The following SI variants were observed in gnomAD, a reference collection of about 807,000 sequenced individuals.
SI encodes the protein sucrase-isomaltase.
SI carries 235 observed loss-of-function variants against 253.3 expected under a neutral mutation model. That is an observed-to-expected ratio of 0.93 (90% CI 0.83 to 1.03). The LOEUF (loss-of-function observed/expected upper bound fraction) is 1.03. Among genes scored for constraint, SI ranks in the 50% least tolerant of loss-of-function variants. The probability of loss-of-function intolerance (pLI) is 0.00; values close to 1 mark genes in which losing one functional copy is unlikely to be tolerated. For missense variants in SI, 2,442 were observed against 2,211.1 expected, an observed-to-expected ratio of 1.10 and a Z score of -2.09; for synonymous variants, 819 against 712.0, an observed-to-expected ratio of 1.15 and a Z score of -2.39.
intron 24 of SI, among the ~76,000 whole-genome samples, chr3:165,031,283 T>A (rs1345665011): frequency 1.3e-5 from 2 of 149,046 alleles, no homozygotes; most frequent in African/African-American, 4.9e-5. Context: ...GGAATGAAAA[T>A]TCATATAAAG....
At chr3:165,036,082 A>G (rs766500523) in intron 22 of SI, among the ~76,000 whole-genome samples, 23 of 151,898 alleles carry the variant, frequency 1.5e-4, no homozygotes, top group Non-Finnish European at 2.1e-4. Context: ...AGTTGAAAAT[A>G]TAATGCAATT....
intron 3 of SI, among the ~76,000 whole-genome samples, chr3:165,072,137 G>GA (rs1333707406): frequency 1.3e-5 from 2 of 151,922 alleles, no homozygotes; most frequent in Non-Finnish European, 2.9e-5. Flanking sequence ...TCATGTATAT[G>GA]AAAACCTAAG....
intron 3 of SI, among the ~76,000 whole-genome samples, chr3:165,071,428 G>T (rs1714567624): frequency 6.6e-6 from 1 of 150,940 alleles, no homozygotes; most frequent in Non-Finnish European, 1.5e-5. Flanking sequence ...GCAAATAAAG[G>T]TATAATAAAT....
At chr3:165,089,847 G>A in the SI span, among the ~76,000 whole-genome samples, 1 of 151,924 alleles carries the variant, frequency 6.6e-6, no homozygotes, top group African/African-American at 2.4e-5. Context: ...TCTACACAGG[G>A]CACCTTATAA....
chr3:165,050,652 GCAA>G (rs1713380190), intron 13 of SI, among the ~76,000 whole-genome samples: 1 of 151,950 alleles, frequency 6.6e-6, no homozygotes, highest in African/African-American at 2.4e-5. Context: ...TTTCTTCTCT[GCAA>G]ACTGTGTTGA....
Position 165,040,244 on chromosome 3 carries a change from A to C in SI, c.2160-273T>G, listed in dbSNP as rs965799711. Among the ~76,000 whole-genome samples the C allele has an allele frequency of 6.0e-5, 9 of 150,946 alleles. No individual in the cohort carries two copies. The East Asian group carries it at 1.8e-3, about 30-fold the overall frequency. ...GAAGGAAAGAAGGAGGGGAGGGAGG[A>C]TAGGAGGAAGGGATGGGAACAGAGG... On this transcript the variant is annotated intron_variant, in intron 18 of 47. Coordinates refer to ENST00000264382, the MANE Select transcript of SI (RefSeq NM_001041.4).
chr3:165,052,399 A>G (rs1433636949), intron 13 of SI, among the ~76,000 whole-genome samples: 2 of 152,118 alleles, frequency 1.3e-5, no homozygotes, highest in African/African-American at 4.8e-5. Flanking sequence ...TCTTAAGTCT[A>G]TTAAAAACTA....
At chr3:165,033,798 C>T (rs917747910) in intron 22 of SI, among the ~76,000 whole-genome samples, 8 of 151,402 alleles carry the variant, frequency 5.3e-5, no homozygotes, top group Non-Finnish European at 1.0e-4. Context: ...CATAACAGTA[C>T]ATTTTTCTTA....
In SI at chr3:165,001,452, A is replaced by G. The variant is rs1718251561; in HGVS notation, c.4407-2779T>C. ...ATCAGAAAATGTAATATCTGTTTTAATTTTGAAATTGGATAAGTATTTTGT... is the reference window on the plus strand; with the variant it reads ...ATCAGAAAATGTAATATCTGTTTTAGTTTTGAAATTGGATAAGTATTTTGT... On this transcript the variant is annotated intron_variant, in intron 37 of 47. Coordinates refer to ENST00000264382, the MANE Select transcript of SI (RefSeq NM_001041.4). 2.0e-5 allele frequency among the ~76,000 whole-genome samples: 3 copies of G among 151,640 alleles called. No homozygotes were observed. The South Asian group carries it at 6.2e-4, about 31-fold the overall frequency.
At chr3:165,053,254 C>G (rs1713523207) in intron 13 of SI, among the ~76,000 whole-genome samples, 1 of 151,902 alleles carries the variant, frequency 6.6e-6, no homozygotes, top group Non-Finnish European at 1.5e-5. Flanking sequence ...CACATCATTT[C>G]CCAAAGTGAT....
intron 27 of SI, 45 bp downstream of exon 27, chr3:165,021,184 G>T: frequency 6.4e-7 from 1 of 1,558,676 alleles, no homozygotes; most frequent in Non-Finnish European, 8.8e-7. Flanking sequence ...CCCTTCGTAA[G>T]CTAAAATTAA....
intron 16 of SI, among the ~76,000 whole-genome samples, chr3:165,045,981 C>T (rs2108227086): frequency 6.6e-6 from 1 of 151,638 alleles, no homozygotes. Context: ...CTACAGGTGC[C>T]TGCCATCATG....
At chr3:165,045,899 T>A (rs976594366) in intron 16 of SI, among the ~76,000 whole-genome samples, 2 of 148,298 alleles carry the variant, frequency 1.3e-5, no homozygotes, top group African/African-American at 4.9e-5. Context: ...TGAGTCCCAA[T>A]CTTGGCTCTG....
intron 12 of SI, among the ~76,000 whole-genome samples, chr3:165,055,860 G>A (rs1045505347): frequency 6.6e-6 from 1 of 152,078 alleles, no homozygotes; most frequent in African/African-American, 2.4e-5. Flanking sequence ...GGTAGGTACT[G>A]TAATTAAAGT....
Position 165,018,079 on chromosome 3 carries a change from A to G in SI, c.3424-13T>C. ...AATTAAGTTTGTACTGAAATACGAAAAATAAGCACAATATATTTTAAGTAA... is the reference window on the plus strand; with the variant it reads ...AATTAAGTTTGTACTGAAATACGAAGAATAAGCACAATATATTTTAAGTAA... On this transcript the variant is annotated splice_polypyrimidine_tract_variant and intron_variant, in intron 28 of 47. Coordinates refer to ENST00000264382, the MANE Select transcript of SI (RefSeq NM_001041.4). The G allele has an allele frequency of 2.9e-6, 4 of 1,382,488 alleles. No individual in the cohort carries two copies. The highest frequency in any genetic ancestry group is 2.3e-5 in the South Asian group (2 of 86,378). The allele number at this position is 1,382,488 out of a possible 1,614,324, so 85.6% of individuals were successfully genotyped here.
At position 164,996,604 on chromosome 3, in the gene SI, G is replaced by C; in HGVS notation, c.4623C>G (p.Leu1541=). Residue 1541 remains leucine, a synonymous_variant, in exon 40 of 48, where the codon CTC becomes CTG. Coordinates refer to ENST00000264382, the MANE Select transcript of SI (RefSeq NM_001041.4). Reference sequence around the variant, plus strand: ...CTCCAAGTTGCATCCAGCGGGTACAGAGATGATATTCTGAGTTGTTGAAAA... The same window carrying C: ...CTCCAAGTTGCATCCAGCGGGTACACAGATGATATTCTGAGTTGTTGAAAA... ...CGFFNNSEYH[L]CTRWMQLGAF... The C allele has an allele frequency of 6.2e-7, 1 of 1,610,150 alleles. No homozygotes were observed. The highest frequency in any genetic ancestry group is 8.5e-7 in the Non-Finnish European group (1 of 1,177,102).
chr3:165,055,091 A>G (rs2108241960), intron 13 of SI, 103 bp downstream of exon 13: 1 of 716,416 alleles, frequency 1.4e-6, no homozygotes, highest in South Asian at 1.6e-5. Flanking sequence ...TAAATTTTAC[A>G]TTGAATACAT....
chr3:165,014,435 G>C (rs1649256469), intron 33 of SI, among the ~76,000 whole-genome samples: 1 of 152,028 alleles, frequency 6.6e-6, no homozygotes, highest in Non-Finnish European at 1.5e-5. Flanking sequence ...ATTTTTAGTA[G>C]AGACGGGGTT....
Position 165,072,088 on chromosome 3 carries a change from T to C in SI, c.255+2443A>G, listed in dbSNP as rs548206308. On this transcript the variant is annotated intron_variant, in intron 3 of 47. Coordinates refer to ENST00000264382, the MANE Select transcript of SI (RefSeq NM_001041.4). ...ACAATAATTTATACAGTAAGTTTAA[T>C]ATAACCAATTTTCCAATTTTAACAA... Among the ~76,000 whole-genome samples, 3 of 152,234 alleles carry C rather than the reference T, an allele frequency of 2.0e-5. No individual in the cohort carries two copies. The East Asian group carries it at 5.8e-4, about 29-fold the overall frequency.
Sources: allele counts gnomAD v4.1 joint callset (sites outside exome capture counted in the v4.1 genomes callset), GRCh38; gene constraint gnomAD v4.1.1; transcripts MANE v1.5; gene names NCBI Gene and HGNC (gene_info 2026-07-23, HGNC 2026-07-21).